Variants in EBF2 observed in about 807,000 individuals in gnomAD.
EBF2 encodes EBF transcription factor 2, also known as transcription factor COE2.
Under a neutral mutation model 72.8 loss-of-function variants are expected in EBF2, and 21 were observed. The observed-to-expected ratio is 0.29, with a 90% CI of 0.20 to 0.42. The LOEUF (loss-of-function observed/expected upper bound fraction) is 0.42. Among genes scored for constraint, EBF2 ranks in the 10% least tolerant of loss-of-function variants. EBF2 has a pLI of 1.00. For missense variants in EBF2, 637 were observed against 731.2 expected, an observed-to-expected ratio of 0.87 and a Z score of 1.49; for synonymous variants, 299 against 274.2, an observed-to-expected ratio of 1.09 and a Z score of -0.89.
Position 25,953,005 on chromosome 8 carries a change from C to G in EBF2, c.552-44450G>C, listed in dbSNP as rs540067316. ...CAGGATGTTAGAACAGAAAAACAAA[C>G]AAACTTCACAGAGACCATTTGGTCC... On this transcript the variant is annotated intron_variant, in intron 6 of 15. Transcript: ENST00000520164. Among the ~76,000 whole-genome samples, 7 of 152,330 alleles carry G rather than the reference C, an allele frequency of 4.6e-5. No homozygotes were observed. In the East Asian group the frequency reaches 1.2e-3, roughly 25 times the overall value.
At chr8:25,918,391 C>T (rs1803259244) in intron 6 of EBF2, among the ~76,000 whole-genome samples, 1 of 152,202 alleles carries the variant, frequency 6.6e-6, no homozygotes, top group Non-Finnish European at 1.5e-5. Context: ...ATACCATATG[C>T]AGCTGCAAAT....
rs186497394 is a variant in EBF2, at chr8:25,908,771, G to C, written c.552-216C>G. 3.2e-4 allele frequency among the ~76,000 whole-genome samples: 48 copies of C among 152,292 alleles called. 1 individual carries two copies. The East Asian group carries it at 8.7e-3, about 28-fold the overall frequency. On this transcript the variant is annotated intron_variant, in intron 6 of 15. Coordinates refer to ENST00000520164, the MANE Select transcript of EBF2 (RefSeq NM_022659.4). ...CAGCACCCGCTTCCCCATCACTGTG[G>C]GGGATTGTTAAGTGGTTCACAAGGT...
At position 25,861,174 on chromosome 8, in the gene EBF2, G is replaced by T; in HGVS notation, c.1217C>A (p.Pro406His). 1 of 1,614,062 alleles carries T rather than the reference G, an allele frequency of 6.2e-7. No individual in the cohort carries two copies. Among genetic ancestry groups the T allele is most frequent in the Non-Finnish European group, 8.5e-7 (1 of 1,179,976 alleles). Residue 406 changes from proline (P) to histidine (H), a missense_variant, in exon 13 of 16, where the codon CCC becomes CAC. By Grantham distance (77) the Pro-to-His change is moderately conservative. Coordinates refer to ENST00000520164, the MANE Select transcript of EBF2 (RefSeq NM_022659.4). ...GGCTGGAAGCTGGCTGGGATTCCTG[G>T]GGACGCTGTAGAGAGCTTCAGCAAT... ...ADIAEALYSV[P>H]RNPSQLPALS...
chr8:25,968,726 T>G (rs541107227), intron 6 of EBF2, among the ~76,000 whole-genome samples: 2 of 152,164 alleles, frequency 1.3e-5, no homozygotes, highest in African/African-American at 2.4e-5. Context: ...CACACCTAAT[T>G]TTTGTATTTT....
chr8:25,872,708 ACAACAAAC>A (rs1175946005), intron 10 of EBF2, among the ~76,000 whole-genome samples: 4 of 140,166 alleles, frequency 2.9e-5, no homozygotes, highest in Non-Finnish European at 6.4e-5. Context: ...AACAACAACA[ACAACAAAC>A]CCTTAAATCT....
intron 10 of EBF2, among the ~76,000 whole-genome samples, chr8:25,866,498 ATAAT>A (rs1563381371): frequency 7.0e-6 from 1 of 143,682 alleles, no homozygotes; most frequent in Non-Finnish European, 1.5e-5. Context: ...TATAATATAT[ATAAT>A]ATATAGGACA....
intron 5 of EBF2, 63 bp downstream of exon 5, chr8:26,039,965 G>T (rs1049922556): frequency 6.4e-7 from 1 of 1,572,122 alleles, no homozygotes; most frequent in South Asian, 1.1e-5. Flanking sequence ...AACGCGGCGC[G>T]CCAAGGCGGG....
chr8:25,847,425 CTG>C (rs1234861431), intron 15 of EBF2, among the ~76,000 whole-genome samples: 1 of 152,170 alleles, frequency 6.6e-6, no homozygotes, highest in Admixed American at 6.6e-5. Context: ...TCCTCTCTCT[CTG>C]TACTCAAGGG....
chr8:26,006,014 T>C (rs541271478), intron 6 of EBF2, among the ~76,000 whole-genome samples: 11 of 152,136 alleles, frequency 7.2e-5, no homozygotes, highest in African/African-American at 2.4e-4. Flanking sequence ...AAAAATGCCC[T>C]TTCTGCAGAA....
intron 10 of EBF2, among the ~76,000 whole-genome samples, chr8:25,873,252 G>A (rs1232055565): frequency 1.3e-5 from 2 of 152,192 alleles, no homozygotes; most frequent in Non-Finnish European, 2.9e-5. Flanking sequence ...CACTTGGCCA[G>A]GTGAGGCTTT....
chr8:26,003,594 A>T (rs1022667998), intron 6 of EBF2, among the ~76,000 whole-genome samples: 3 of 152,108 alleles, frequency 2.0e-5, no homozygotes, highest in African/African-American at 7.2e-5. Flanking sequence ...ACTTGAGACA[A>T]GCTCAGATTG....
At chr8:26,032,977 A>G in intron 6 of EBF2, 108 bp downstream of exon 6, 1 of 1,074,630 alleles carries the variant, frequency 9.3e-7, no homozygotes, top group Admixed American at 1.9e-5. Context: ...GTGACTTGAA[A>G]TAACATGAAA....
At chr8:25,990,082 G>T (rs1455552018) in intron 6 of EBF2, among the ~76,000 whole-genome samples, 1 of 151,930 alleles carries the variant, frequency 6.6e-6, no homozygotes, top group Non-Finnish European at 1.5e-5. Context: ...CACGCAGTAG[G>T]TATACAAAGA....
intron 6 of EBF2, among the ~76,000 whole-genome samples, chr8:26,025,093 G>C (rs548205852): frequency 1.3e-5 from 2 of 152,226 alleles, no homozygotes; most frequent in Non-Finnish European, 2.9e-5. Context: ...AAAAGGGATA[G>C]GATTTATATT....
intron 6 of EBF2, among the ~76,000 whole-genome samples, chr8:26,011,300 T>C (rs916660448): frequency 6.6e-6 from 1 of 152,256 alleles, no homozygotes; most frequent in African/African-American, 2.4e-5. Flanking sequence ...ACAACTAACC[T>C]GTTCTAGTAA....
intron 6 of EBF2, among the ~76,000 whole-genome samples, chr8:25,985,524 C>T (rs1267346278): frequency 6.6e-6 from 1 of 152,144 alleles, no homozygotes; most frequent in Non-Finnish European, 1.5e-5. Context: ...GGCTGTGTGG[C>T]CTTCGGTAAG....
At chr8:25,862,670 C>T in intron 11 of EBF2, 39 bp downstream of exon 11, 1 of 1,501,112 alleles carries the variant, frequency 6.7e-7, no homozygotes, top group Non-Finnish European at 9.0e-7. Flanking sequence ...TGAAATTCTA[C>T]ACAAATGGCT....
chr8:25,949,811 G>C (rs1462420202), intron 6 of EBF2, among the ~76,000 whole-genome samples: 3 of 152,194 alleles, frequency 2.0e-5, no homozygotes, highest in Non-Finnish European at 2.9e-5. Flanking sequence ...AGGCAGTCAG[G>C]AAAGTCAAAA....
intron 15 of EBF2, among the ~76,000 whole-genome samples, chr8:25,846,647 C>A (rs1335994581): frequency 6.6e-6 from 1 of 152,116 alleles, no homozygotes; most frequent in African/African-American, 2.4e-5. Flanking sequence ...CATGATTGCA[C>A]CACTATACTA....
Sources: allele counts gnomAD v4.1 joint callset (sites outside exome capture counted in the v4.1 genomes callset), GRCh38; gene constraint gnomAD v4.1.1; transcripts MANE v1.5; gene names NCBI Gene and HGNC (gene_info 2026-07-23, HGNC 2026-07-21).